The following MTOR variants were observed in gnomAD, a reference collection of about 807,000 sequenced individuals.
MTOR encodes mechanistic target of rapamycin kinase, also known as serine/threonine-protein kinase mTOR.
Under a neutral mutation model 319.8 loss-of-function variants are expected in MTOR, and 70 were observed. The ratio of observed to expected loss-of-function variants is 0.22; its 90% confidence interval spans 0.18 to 0.27. MTOR has a LOEUF of 0.27. Among genes scored for constraint, MTOR ranks in the 10% least tolerant of loss-of-function variants. The probability of loss-of-function intolerance (pLI) is 1.00; values close to 1 mark genes in which losing one functional copy is unlikely to be tolerated. For missense variants in MTOR, 1,890 were observed against 3,274.4 expected (o/e 0.58, Z 10.32); for synonymous variants, 1,183 against 1,211.4 (o/e 0.98, Z 0.49).
At chr1:11,184,866 C>G (rs1208282657) in intron 28 of MTOR, among the ~76,000 whole-genome samples, 1 of 152,170 alleles carries the variant, frequency 6.6e-6, no homozygotes, top group East Asian at 1.9e-4. Flanking sequence ...GGATCAGTCC[C>G]GCTCCTCACC....
At position 11,243,194 on chromosome 1, in the gene MTOR, C is replaced by T. The variant is rs201437035; in HGVS notation, c.1332G>A (p.Val444=). ...FQALGLLSVA[V]RSEFKVYLPR... ...GCAAATAGACCTTAAACTCAGACCT[C>T]ACAGCCACAGAAAGTAGCCCCAGGG... Residue 444 remains valine, a synonymous_variant, in exon 9 of 58, where the codon GTG becomes GTA. Coordinates refer to ENST00000361445, the MANE Select transcript of MTOR (RefSeq NM_004958.4). 100 of 1,614,172 alleles carry T rather than the reference C, an allele frequency of 6.2e-5. 1 individual carries two copies. The South Asian group carries it at 1.1e-3, about 17-fold the overall frequency.
Position 11,106,551 on chromosome 1 carries a change from A to T in MTOR, c.*934T>A. On this transcript the variant is annotated 3_prime_UTR_variant, in exon 58 of 58. Transcript: ENST00000361445. ...TCATATACATATGTTTAAAATTCTG[A>T]TGTCATTTATTGGCACAAAAATTAT... 1 of 1,061,324 alleles carries T rather than the reference A, an allele frequency of 9.4e-7. No individual in the cohort carries two copies. The highest frequency in any genetic ancestry group is 4.4e-5 in the South Asian group (1 of 22,650). The allele number at this position is 1,061,324 out of a possible 1,614,324, so 65.7% of individuals were successfully genotyped here. A position where few individuals can be genotyped will look rare whatever the true frequency, so the allele number is the denominator to read the frequency against.
chr1:11,219,988 G>A (rs1389780252), intron 19 of MTOR, among the ~76,000 whole-genome samples: 9 of 138,814 alleles, frequency 6.5e-5, no homozygotes, highest in Middle Eastern at 4.3e-3. Context: ...AACCGAGATC[G>A]TACCACTGCA....
chr1:11,169,018 T>C (rs899820834), intron 28 of MTOR, among the ~76,000 whole-genome samples: 33 of 152,354 alleles, frequency 2.2e-4, no homozygotes, highest in African/African-American at 7.7e-4. Flanking sequence ...GGATCCAGTT[T>C]ACTGCTTTGA....
At chr1:11,217,316 GGTTTTAT>G (rs1646501374) in intron 19 of MTOR, among the ~76,000 whole-genome samples, 1 of 151,996 alleles carries the variant, frequency 6.6e-6, no homozygotes, top group African/African-American at 2.4e-5. Flanking sequence ...TCAAGATGTA[GGTTTTAT>G]TTTGTTATGA....
Position 11,199,009 on chromosome 1 carries a change from G to A in MTOR, c.4253+249C>T, listed in dbSNP as rs546266028. Among the ~76,000 whole-genome samples the A allele has an allele frequency of 6.6e-6, 1 of 152,276 alleles. No individual in the cohort carries two copies. The highest frequency in any genetic ancestry group is 1.9e-4 in the East Asian group (1 of 5,186). On this transcript the variant is annotated intron_variant, in intron 28 of 57. Coordinates refer to ENST00000361445, the MANE Select transcript of MTOR (RefSeq NM_004958.4). The surrounding 1 kb of genome is among the most constrained non-coding windows in gnomAD (Gnocchi z 4.5). ...ATTGCTTCTCAACTAAATTTCACTG[G>A]AACAAGAAAGGACAGGTTGGAAAAC...
At chr1:11,141,884 C>G (rs886851793) in intron 34 of MTOR, among the ~76,000 whole-genome samples, 1 of 150,666 alleles carries the variant, frequency 6.6e-6, no homozygotes, top group Non-Finnish European at 1.5e-5. Context: ...GCCTGTAGTC[C>G]CAGCTACTCA....
At chr1:11,122,917 C>G (rs1642620036) in intron 47 of MTOR, among the ~76,000 whole-genome samples, 1 of 152,200 alleles carries the variant, frequency 6.6e-6, no homozygotes, top group South Asian at 2.1e-4. Context: ...ACTGATGGTG[C>G]AGTGAAAGCA....
chr1:11,167,046 G>A (rs945150014), intron 29 of MTOR, among the ~76,000 whole-genome samples: 1 of 152,156 alleles, frequency 6.6e-6, no homozygotes, highest in African/African-American at 2.4e-5. Context: ...ACTGAACAAT[G>A]AGAACACCTG....
chr1:11,132,975 C>T (rs1236874228), intron 38 of MTOR, 105 bp downstream of exon 38: 39 of 947,642 alleles, frequency 4.1e-5, no homozygotes, highest in Non-Finnish European at 6.0e-5. Flanking sequence ...AGTAAGTTCA[C>T]AGCATCAGCC....
chr1:11,215,381 C>A (rs570062407), intron 20 of MTOR, among the ~76,000 whole-genome samples: 84 of 152,214 alleles, frequency 5.5e-4, no homozygotes, highest in Non-Finnish European at 1.0e-3. Flanking sequence ...GTTCTGAGAT[C>A]CAGGTGCTGG....
intron 38 of MTOR, chr1:11,132,389 C>T (rs1343760329): frequency 3.3e-5 from 5 of 152,268 alleles, no homozygotes; most frequent in Non-Finnish European, 5.9e-5. Context: ...ATAAGTGCTT[C>T]TGCAGTCCTC....
chr1:11,176,416 C>A (rs181114187), intron 28 of MTOR, among the ~76,000 whole-genome samples: 267 of 152,358 alleles, frequency 1.8e-3, no homozygotes, highest in Non-Finnish European at 3.1e-3. Context: ...TCTGCAGGCA[C>A]AGCTGGGGCA....
intron 25 of MTOR, among the ~76,000 whole-genome samples, chr1:11,206,789 T>C (rs1646152281): frequency 6.6e-6 from 1 of 152,186 alleles, no homozygotes; most frequent in Admixed American, 6.5e-5. Context: ...CCTCATCTGG[T>C]GATGCTGGTG....
chr1:11,189,608 C>G, intron 28 of MTOR: 1 of 1,613,140 alleles, frequency 6.2e-7, no homozygotes, highest in East Asian at 2.2e-5. Context: ...TCAGCTGTGA[C>G]CTGGCTCTGC....
At position 11,160,821 on chromosome 1, in the gene MTOR, G is replaced by A. The variant is rs577758304; in HGVS notation, c.4330-3530C>T. On this transcript the variant is annotated intron_variant, in intron 29 of 57. Transcript: ENST00000361445. ...GAGTCCCGGAGGTTCCAAGATGGCC[G>A]AATAGGAACAGCTCCAGTCTACAGC... is the stretch of plus-strand genomic sequence containing the variant. Among the ~76,000 whole-genome samples, 121 of 152,288 alleles carry A rather than the reference G, an allele frequency of 7.9e-4. 2 individuals are homozygous for A. The highest frequency in any genetic ancestry group is 3.1e-3 in the Admixed American group (48 of 15,300).
Position 11,139,325 on chromosome 1 carries a change from G to A in MTOR, c.5109C>T (p.Asn1703=). 1 of 1,608,062 alleles carries A rather than the reference G, an allele frequency of 6.2e-7. No homozygotes were observed. Among genetic ancestry groups the A allele is most frequent in the Non-Finnish European group, 8.5e-7 (1 of 1,178,602 alleles). ...AGACCTTGCGGGCACTCTTCCACAT[G>A]TTTTTCATGTAGGCATAGGTCACCT... is the stretch of plus-strand genomic sequence containing the variant. The part of the protein sequence containing the change: ...HPQVTYAYMK[N]MWKSARKIDA... The change falls in exon 36 of 58, where the codon AAC becomes AAT. Residue 1703 remains asparagine (N), a synonymous_variant. Transcript: ENST00000361445.
rs1642126999 is a variant in MTOR, at chr1:11,115,653, A to G, written c.7017-185T>C. 3.3e-6 allele frequency: 2 copies of G among 598,572 alleles called. No individual in the cohort carries two copies. The highest frequency in any genetic ancestry group is 2.8e-5 in the East Asian group (1 of 35,200). The allele number at this position is 598,572 out of a possible 1,614,324, so 37.1% of individuals were successfully genotyped here. ...ACACAGCACGCTCCCTTGTTTAAGT[A>G]CTGTTCCAGGCTGCTTCCATGCTAC... On this transcript the variant is annotated intron_variant, in intron 50 of 57. Transcript: ENST00000361445. This position sits in a 1 kb window ranked among gnomAD's most constrained non-coding sequence, Gnocchi z 4.5.
chr1:11,234,191 G>C lies in MTOR; in HGVS notation c.2283C>G (p.Val761=). ...EQSARMLGHL[V]SNAPRLIRPY... ...GGCGGATGAGTCGGGGGGCATTGGA[G>C]ACCAGGTGCCCCAGCATGCGGGCAC... The change falls in exon 14 of 58, where the codon GTC becomes GTG. Residue 761 remains valine, a synonymous_variant. Coordinates refer to ENST00000361445, the MANE Select transcript of MTOR (RefSeq NM_004958.4). The C allele has an allele frequency of 6.2e-7, 1 of 1,614,116 alleles. No individual in the cohort carries two copies. Among genetic ancestry groups the C allele is most frequent in the Non-Finnish European group, 8.5e-7 (1 of 1,180,012 alleles).
Sources: allele counts gnomAD v4.1 joint callset (sites outside exome capture counted in the v4.1 genomes callset), GRCh38; gene constraint gnomAD v4.1.1; non-coding constraint Gnocchi (gnomAD v3.1); transcripts MANE v1.5; gene names NCBI Gene and HGNC (gene_info 2026-07-23, HGNC 2026-07-21).